KLHDC1: variants seen among roughly 807,000 people sequenced by gnomAD.
KLHDC1 encodes the protein kelch domain-containing protein 1.
Under a neutral mutation model 68.3 loss-of-function variants are expected in KLHDC1, and 53 were observed. That is an observed-to-expected ratio of 0.78 (90% CI 0.62 to 0.98). The LOEUF (loss-of-function observed/expected upper bound fraction) is 0.98, where lower values mean the gene tolerates loss of function less well. Ranked by LOEUF, KLHDC1 falls within the 50% of genes least tolerant of loss-of-function variation. KLHDC1 has a pLI of 0.00. For missense variants in KLHDC1, 470 were observed against 492.3 expected, an observed-to-expected ratio of 0.95 and a Z score of 0.43; for synonymous variants, 148 against 159.0, an observed-to-expected ratio of 0.93 and a Z score of 0.52.
chr14:49,715,620 C>G (rs1390540550), intron 4 of KLHDC1, among the ~76,000 whole-genome samples: 1 of 149,860 alleles, frequency 6.7e-6, no homozygotes, highest in Non-Finnish European at 1.5e-5. Context: ...TGGCAGGTAC[C>G]TGTAGTTCCA....
chr14:49,707,674 A>G (rs1353844667), intron 1 of KLHDC1: 2 of 121,118 alleles, frequency 1.7e-5, no homozygotes, highest in African/African-American at 6.3e-5. Flanking sequence ...TTTAAGAAGC[A>G]GGGTCTGCCT....
intron 12 of KLHDC1, among the ~76,000 whole-genome samples, chr14:49,745,166 C>G (rs887108189): frequency 6.6e-6 from 1 of 152,170 alleles, no homozygotes; most frequent in African/African-American, 2.4e-5. Context: ...AAGGAGTATA[C>G]TGTGACATTT....
chr14:49,695,786 C>A (rs189789063), intron 1 of KLHDC1, among the ~76,000 whole-genome samples: 62 of 152,252 alleles, frequency 4.1e-4, no homozygotes. Context: ...TATTGTTGGC[C>A]GGGCACGTTG....
In KLHDC1 at chr14:49,709,759, G is replaced by T; in HGVS notation, c.218G>T (p.Cys73Phe). 1 of 1,605,184 alleles carries T rather than the reference G, an allele frequency of 6.2e-7. No individual in the cohort carries two copies. Among genetic ancestry groups the T allele is most frequent in the East Asian group, 2.3e-5 (1 of 44,000 alleles). The change falls in exon 3 of 13, where the codon TGT becomes TTT. Residue 73 changes from cysteine to phenylalanine, a missense_variant. Transcript: ENST00000359332. The part of the protein sequence containing the change: ...GELPASMSGS[C>F]GACINGKLYI... ...CTCCCAGCCTCCATGTCAGGAAGCTGTGGTGCTTGCATTAATGGAAAGCTG... is the reference window on the plus strand; with the variant it reads ...CTCCCAGCCTCCATGTCAGGAAGCTTTGGTGCTTGCATTAATGGAAAGCTG...
Position 49,710,361 on chromosome 14 carries a change from C to T in KLHDC1, c.384C>T (p.Ser128=), listed in dbSNP as rs1435679998. 1.9e-6 allele frequency: 3 copies of T among 1,597,572 alleles called. No homozygotes were observed. The highest frequency in any genetic ancestry group is 1.7e-6 in the Non-Finnish European group (2 of 1,165,442). The part of the protein sequence containing the change: ...GQPPTPRDKL[S]CWVYKDRLIY... ...CACCTACACCACGTGATAAACTTTCCTGCTGGGTATATAAAGACAGGTAAT... is the reference window on the plus strand; with the variant it reads ...CACCTACACCACGTGATAAACTTTCTTGCTGGGTATATAAAGACAGGTAAT... The change falls in exon 4 of 13, where the codon TCC becomes TCT. Residue 128 remains serine, a synonymous_variant. Transcript: ENST00000359332.
chr14:49,696,709 A>C (rs1275113467), intron 1 of KLHDC1, among the ~76,000 whole-genome samples: 1 of 152,024 alleles, frequency 6.6e-6, no homozygotes, highest in East Asian at 1.9e-4. Context: ...CTTTCATATT[A>C]CTCATTTTTC....
intron 12 of KLHDC1, among the ~76,000 whole-genome samples, chr14:49,745,462 G>A (rs1889178514): frequency 6.6e-6 from 1 of 152,176 alleles, no homozygotes; most frequent in African/African-American, 2.4e-5. Context: ...AGAAGGCATG[G>A]CCTTTCCCTA....
intron 8 of KLHDC1, among the ~76,000 whole-genome samples, chr14:49,731,045 T>C (rs8004392): frequency 1 from 152,192 of 152,210 alleles, 76,087 homozygotes; most frequent in Non-Finnish European, 1. Flanking sequence ...TTTGGGAGGC[T>C]GAGGCTGGTG....
intron 11 of KLHDC1, among the ~76,000 whole-genome samples, chr14:49,741,868 C>G (rs1889073960): frequency 6.6e-6 from 1 of 152,040 alleles, no homozygotes; most frequent in Admixed American, 6.6e-5. Context: ...ATAGAGGATT[C>G]TGAGCCATCA....
chr14:49,700,899 G>A (rs1469744320), intron 1 of KLHDC1, among the ~76,000 whole-genome samples: 4 of 152,102 alleles, frequency 2.6e-5, no homozygotes, highest in South Asian at 4.1e-4. Context: ...TGGCCAACAC[G>A]GTGAAACCTC....
At chr14:49,699,664 C>T (rs570005395) in intron 1 of KLHDC1, among the ~76,000 whole-genome samples, 3 of 152,162 alleles carry the variant, frequency 2.0e-5, no homozygotes, top group South Asian at 2.1e-4. Flanking sequence ...TAAAGCTCAC[C>T]GATATCTGTC....
chr14:49,711,455 G>A (rs1453267937), intron 4 of KLHDC1, among the ~76,000 whole-genome samples: 3 of 151,926 alleles, frequency 2.0e-5, no homozygotes, highest in South Asian at 2.1e-4. Flanking sequence ...CGCCCGCCTC[G>A]GCCTCCCAAA....
Position 49,743,735 on chromosome 14 carries a change from CTT to C in KLHDC1, c.982-13_982-12del. ...ATTTTTATCAAAAACTTAATAATGCCTTTTTTGTGTTGATTAGGGTCACTGTA... is the reference window on the plus strand; with the variant it reads ...ATTTTTATCAAAAACTTAATAATGCCTTTTGTGTTGATTAGGGTCACTGTA... On this transcript the variant is annotated splice_polypyrimidine_tract_variant and intron_variant, in intron 11 of 12. Transcript: ENST00000359332. 1 of 1,533,974 alleles carries C rather than the reference CTT, an allele frequency of 6.5e-7. No homozygotes were observed. The highest frequency in any genetic ancestry group is 8.9e-7 in the Non-Finnish European group (1 of 1,119,824).
chr14:49,721,351 A>T (rs181351681), intron 4 of KLHDC1, among the ~76,000 whole-genome samples: 169 of 151,292 alleles, frequency 1.1e-3, no homozygotes, highest in African/African-American at 3.9e-3. Flanking sequence ...CTTTTTTTTT[A>T]AATTTTATTT....
chr14:49,725,771 T>A lies in KLHDC1; in HGVS notation c.567+2T>A. 1 of 1,478,808 alleles carries A rather than the reference T, an allele frequency of 6.8e-7. No individual in the cohort carries two copies. Among genetic ancestry groups the A allele is most frequent in the Non-Finnish European group, 9.3e-7 (1 of 1,074,676 alleles). The allele number at this position is 1,478,808 out of a possible 1,614,324, so 91.6% of individuals were successfully genotyped here. On this transcript the variant is annotated splice_donor_variant, in intron 6 of 12. Transcript: ENST00000359332. LOFTEE classifies it high-confidence loss of function. The stretch of plus-strand genomic sequence containing the variant: ...ACTTGGTTTCAACCAGAAATTAAAG[T>A]AAGTGTGGTAAAAAGTCATCTTTAT...
At chr14:49,713,755 C>G (rs150819704) in intron 4 of KLHDC1, among the ~76,000 whole-genome samples, 33 of 134,132 alleles carry the variant, frequency 2.5e-4, no homozygotes, top group African/African-American at 8.7e-4. Flanking sequence ...GGTGTGGTGG[C>G]GTACGCCTGT....
chr14:49,699,079 G>C (rs1029065688), intron 1 of KLHDC1, among the ~76,000 whole-genome samples: 1 of 149,048 alleles, frequency 6.7e-6, no homozygotes, highest in African/African-American at 2.5e-5. Context: ...CAGGAGAATC[G>C]CTTGATCCCA....
intron 4 of KLHDC1, among the ~76,000 whole-genome samples, chr14:49,714,298 C>A (rs1008805136): frequency 4.0e-5 from 6 of 150,604 alleles, no homozygotes; most frequent in African/African-American, 1.2e-4. Context: ...ATAGTGAAAC[C>A]CTGTCTCTAC....
intron 1 of KLHDC1, among the ~76,000 whole-genome samples, chr14:49,705,619 T>C (rs1888031849): frequency 6.6e-6 from 1 of 152,062 alleles, no homozygotes; most frequent in Admixed American, 6.6e-5. Flanking sequence ...TCTGTTCGCC[T>C]CAGCCTCCCA....
Sources: allele counts gnomAD v4.1 joint callset (sites outside exome capture counted in the v4.1 genomes callset), GRCh38; gene constraint gnomAD v4.1.1; transcripts MANE v1.5; gene names NCBI Gene and HGNC (gene_info 2026-07-23, HGNC 2026-07-21).